RBFOX1: variants seen among roughly 807,000 people sequenced by gnomAD.
RBFOX1 encodes RNA binding fox-1 homolog 1, also known as RNA binding protein fox-1 homolog 1.
In RBFOX1, 8 loss-of-function variants were observed where a neutral mutation model predicts 57.7. The ratio of observed to expected loss-of-function variants is 0.14; its 90% CI spans 0.08 to 0.25. The LOEUF (loss-of-function observed/expected upper bound fraction) is 0.25, where lower values mean the gene tolerates loss of function less well. RBFOX1 is among the 10% of genes least tolerant of loss of function. RBFOX1 has a pLI of 1.00. For missense variants in RBFOX1, 611 were observed against 548.5 expected, an observed-to-expected ratio of 1.11 and a Z score of -1.14; for synonymous variants, 326 against 222.4, an observed-to-expected ratio of 1.47 and a Z score of -4.15.
At position 7,160,777 on chromosome 16, in the gene RBFOX1, C is replaced by G. The variant is rs555716986; in HGVS notation, c.27+108679C>G. 4.7e-5 allele frequency among the ~76,000 whole-genome samples: 7 copies of G among 148,938 alleles called. No individual in the cohort carries two copies. The South Asian group carries it at 1.3e-3, about 27-fold the overall frequency. On this transcript the variant is annotated intron_variant, in intron 4 of 15. Coordinates refer to ENST00000550418, the MANE Select transcript of RBFOX1 (RefSeq NM_018723.4). ...TATTCCTCCTCCTCCTCCGCCTCCC[C>G]CTTTTTTCTCCCTCCTCCGTCTCCC...
chr16:7,156,551 A>G (rs1261898966), intron 4 of RBFOX1, among the ~76,000 whole-genome samples: 2 of 152,164 alleles, frequency 1.3e-5, no homozygotes, highest in East Asian at 1.9e-4. Flanking sequence ...GCATGTAGAT[A>G]TACATATGTG....
intron 5 of RBFOX1, among the ~76,000 whole-genome samples, chr16:7,545,281 C>G (rs1055471506): frequency 5.9e-5 from 9 of 151,798 alleles, no homozygotes; most frequent in Admixed American, 3.9e-4. Context: ...CTTTGAGACA[C>G]GAAGCCCACC....
chr16:6,777,644 C>G (rs1382176531), intron 3 of RBFOX1, among the ~76,000 whole-genome samples: 1 of 151,970 alleles, frequency 6.6e-6, no homozygotes, highest in East Asian at 1.9e-4. Context: ...TTTAAAAATC[C>G]AGTTTCTTAG....
In RBFOX1 at chr16:6,506,441, G is replaced by C. The variant is rs1640963; in HGVS notation, c.-63-148162G>C. Among the ~76,000 whole-genome samples the C allele has an allele frequency of 5.4e-3, 815 of 151,770 alleles. 6 individuals are homozygous for C. The highest frequency in any genetic ancestry group is 4.9e-3 in the Non-Finnish European group (333 of 67,940). On this transcript the variant is annotated intron_variant, in intron 2 of 15. Coordinates refer to ENST00000550418, the MANE Select transcript of RBFOX1 (RefSeq NM_018723.4). ...TGGAGAAACAAAAGGAGAGGGTTTCGTGGTCAAAGGCAGTGAGAAAGAAGG... is the reference window on the plus strand; with the variant it reads ...TGGAGAAACAAAAGGAGAGGGTTTCCTGGTCAAAGGCAGTGAGAAAGAAGG...
intron 4 of RBFOX1, among the ~76,000 whole-genome samples, chr16:7,063,038 AG>A (rs1195679120): frequency 6.6e-6 from 1 of 151,252 alleles, no homozygotes; most frequent in Non-Finnish European, 1.5e-5. Context: ...GTTTGGTTAA[AG>A]GTTTGCTAAA....
At chr16:5,872,255 G>C (rs1272241570) in intron 4 of RBFOX1, among the ~76,000 whole-genome samples, 2 of 152,192 alleles carry the variant, frequency 1.3e-5, no homozygotes, top group Non-Finnish European at 2.9e-5. Context: ...TCATCAAGAA[G>C]GTTACAGTGG....
intron 3 of RBFOX1, among the ~76,000 whole-genome samples, chr16:6,789,497 A>C (rs2082538236): frequency 6.6e-6 from 1 of 152,186 alleles, no homozygotes; most frequent in Admixed American, 6.5e-5. Context: ...CAGTCATTTC[A>C]TTCTCAGTTA....
chr16:6,262,325 G>A (rs1012634922), intron 1 of RBFOX1, among the ~76,000 whole-genome samples: 2 of 152,070 alleles, frequency 1.3e-5, no homozygotes, highest in Admixed American at 6.6e-5. Flanking sequence ...TCATTATCCC[G>A]AAATTAGTCA....
At chr16:5,891,593 G>C (rs1270125980) in intron 4 of RBFOX1, among the ~76,000 whole-genome samples, 1 of 152,152 alleles carries the variant, frequency 6.6e-6, no homozygotes, top group Non-Finnish European at 1.5e-5. Flanking sequence ...TGGCAGAGGG[G>C]TTCCTTCTAG....
intron 5 of RBFOX1, among the ~76,000 whole-genome samples, chr16:7,532,275 C>T (rs1397220286): frequency 6.6e-6 from 1 of 151,936 alleles, no homozygotes; most frequent in Non-Finnish European, 1.5e-5. Flanking sequence ...CCTGGGGTTC[C>T]AGGCGGTGAC....
At chr16:7,004,706 A>G (rs1013669111) in intron 3 of RBFOX1, among the ~76,000 whole-genome samples, 1 of 152,188 alleles carries the variant, frequency 6.6e-6, no homozygotes, top group Non-Finnish European at 1.5e-5. Flanking sequence ...CATAACCAGG[A>G]AGATGTATGG....
chr16:6,150,238 T>C (rs549183397), intron 1 of RBFOX1, among the ~76,000 whole-genome samples: 2 of 152,290 alleles, frequency 1.3e-5, no homozygotes, highest in African/African-American at 4.8e-5. Flanking sequence ...TGTGTGCACC[T>C]GAGGTCCTCA....
At chr16:7,521,261 A>G (rs1209699057) in intron 5 of RBFOX1, among the ~76,000 whole-genome samples, 1 of 152,156 alleles carries the variant, frequency 6.6e-6, no homozygotes, top group African/African-American at 2.4e-5. Context: ...GATGAAGGGG[A>G]TTTGGAGGTG....
chr16:5,730,076 G>A (rs1365567839), intron 3 of RBFOX1, among the ~76,000 whole-genome samples: 3 of 152,180 alleles, frequency 2.0e-5, no homozygotes, highest in Non-Finnish European at 2.9e-5. Flanking sequence ...CTGATCAGAG[G>A]ACCCAAATTA....
At chr16:5,519,286 G>T (rs979266240) in intron 2 of RBFOX1, among the ~76,000 whole-genome samples, 1 of 152,222 alleles carries the variant, frequency 6.6e-6, no homozygotes, top group Non-Finnish European at 1.5e-5. Flanking sequence ...TCCCATGCTA[G>T]CATGGTTGTT....
intron 3 of RBFOX1, among the ~76,000 whole-genome samples, chr16:6,729,227 G>C (rs1014051363): frequency 6.6e-6 from 1 of 152,036 alleles, no homozygotes; most frequent in Non-Finnish European, 1.5e-5. Flanking sequence ...TATATAATTG[G>C]GGTCACCAGA....
At chr16:5,332,021 A>G (rs144461253) in intron 1 of RBFOX1, among the ~76,000 whole-genome samples, 4,541 of 152,320 alleles carry the variant, frequency 0.03, 92 homozygotes, top group Non-Finnish European at 0.045. Flanking sequence ...AATAAAGCCT[A>G]AAAGTAGACT....
chr16:6,868,861 T>C (rs763587801), intron 3 of RBFOX1, among the ~76,000 whole-genome samples: 7 of 152,182 alleles, frequency 4.6e-5, no homozygotes, highest in Non-Finnish European at 8.8e-5. Flanking sequence ...TAATGAAATA[T>C]GCAGGGAGGT....
chr16:7,532,816 G>A (rs1015159152), intron 5 of RBFOX1, among the ~76,000 whole-genome samples: 2 of 152,180 alleles, frequency 1.3e-5, no homozygotes, highest in Admixed American at 6.5e-5. Flanking sequence ...GACAGAGCTC[G>A]ATGGCCCACA....
Sources: allele counts gnomAD v4.1 joint callset (sites outside exome capture counted in the v4.1 genomes callset), GRCh38; gene constraint gnomAD v4.1.1; transcripts MANE v1.5; gene names NCBI Gene and HGNC (gene_info 2026-07-23, HGNC 2026-07-21).